ABCB7: variants seen among roughly 807,000 people sequenced by gnomAD.
The protein encoded by ABCB7 is iron-sulfur clusters transporter ABCB7, mitochondrial.
ABCB7 carries 7 observed loss-of-function variants against 54.4 expected under a neutral mutation model. The observed-to-expected ratio is 0.13, with a 90% CI of 0.07 to 0.24. The LOEUF is 0.24. Among genes scored for constraint, ABCB7 ranks in the 10% least tolerant of loss-of-function variants. ABCB7 has a pLI of 1.00. For synonymous variants in ABCB7, 218 were observed against 207.1 expected, an observed-to-expected ratio of 1.05 and a Z score of -0.45; for missense variants, 356 against 570.4, an observed-to-expected ratio of 0.62 and a Z score of 3.83.
intron 10 of ABCB7, 146 bp downstream of exon 10, chrX:75,070,219 A>G: frequency 1.7e-6 from 1 of 582,606 alleles, no homozygotes; most frequent in Non-Finnish European, 2.8e-6. Context: ...CTCTTAATAC[A>G]GGTGATAGCA....
At chrX:75,068,311 T>C (rs1306618472) in intron 12 of ABCB7, among the ~76,000 whole-genome samples, 1 of 111,828 alleles carries the variant, frequency 8.9e-6, no homozygotes, top group East Asian at 2.8e-4. Flanking sequence ...TAATACATAC[T>C]AGCTGCAACT....
At chrX:75,097,080 T>C (rs2081597951) in intron 4 of ABCB7, among the ~76,000 whole-genome samples, 1 of 111,627 alleles carries the variant, frequency 9.0e-6, no homozygotes, top group African/African-American at 3.3e-5. Context: ...CTAACCTTAT[T>C]ACTCATCTAT....
chrX:75,104,047 G>GTTTCTTTTTTTTTTTTTTTTTTTTTTT (rs2081663554), intron 3 of ABCB7, among the ~76,000 whole-genome samples: 1 of 13,443 alleles, frequency 7.4e-5, no homozygotes, highest in African/African-American at 1.6e-4. Context: ...TCTTGTTACA[G>GTTTCTTTTTTTTTTTTTTTTTTTTTTT]TTTTTTTTTT....
intron 1 of ABCB7, among the ~76,000 whole-genome samples, chrX:75,148,064 C>T (rs1287894059): frequency 1.8e-5 from 2 of 111,257 alleles, no homozygotes; most frequent in African/African-American, 6.6e-5. Context: ...GGCAGTGAGC[C>T]AAGATTGTGC....
rs147584361 is a variant in ABCB7, at chrX:75,073,874, C to T, written c.938G>A (p.Arg313Gln). ...TYTAFTVAVTRWRTRFRIEMN... is the reference protein window; with the variant it reads ...TYTAFTVAVTQWRTRFRIEMN... Reference sequence around the variant, plus strand: ...CTTCTAGGGAATAAATTACCTCCACCGTGTGACTGCAACTGTGAATGCTGT... The same window carrying T: ...CTTCTAGGGAATAAATTACCTCCACTGTGTGACTGCAACTGTGAATGCTGT... Residue 313 changes from arginine (R) to glutamine (Q), a missense_variant, in exon 7 of 16, where the codon CGG (arginine) becomes CAG (glutamine). Around this residue, in one of 2 missense-constraint regions of ABCB7, gnomAD observed 241 missense variants for 470.9 expected, o/e 0.51. Coordinates refer to ENST00000373394, the MANE Select transcript of ABCB7 (RefSeq NM_001271696.3). 3.6e-3 allele frequency: 4,386 copies of T among 1,207,153 alleles called. 3 individuals are homozygous for T. The highest frequency in any genetic ancestry group is 4.5e-3 in the Non-Finnish European group (3,994 of 892,512).
rs2081401107 is a variant in ABCB7, at chrX:75,075,460, T to C, written c.757A>G (p.Ile253Val). 1 of 1,209,433 alleles carries C rather than the reference T, an allele frequency of 8.3e-7. No individual in the cohort carries two copies. Among genetic ancestry groups the C allele is most frequent in the Non-Finnish European group, 1.1e-6 (1 of 894,793 alleles). The change falls in exon 6 of 16, where the codon ATT becomes GTT. Residue 253 changes from isoleucine (I) to valine (V), a missense_variant. By Grantham distance (29) the Ile-to-Val change is conservative. Transcript: ENST00000373394. ...CTGATACCCCTTGTTCCTCTGTCAA[T>C]AGCCTTAGATAAAGCTCCCGTCTGT... ...SRQTGALSKA[I>V]DRGTRGISFV...
intron 1 of ABCB7, among the ~76,000 whole-genome samples, chrX:75,144,393 T>C: frequency 8.9e-6 from 1 of 112,025 alleles, no homozygotes. Flanking sequence ...AATTTAATTT[T>C]AATTGCAATT....
At chrX:75,122,247 C>T (rs1424477637) in intron 1 of ABCB7, among the ~76,000 whole-genome samples, 1 of 111,970 alleles carries the variant, frequency 8.9e-6, no homozygotes. Flanking sequence ...ACCAATATGG[C>T]GACAAGAGTA....
At chrX:75,107,328 T>C (rs1029262755) in intron 3 of ABCB7, among the ~76,000 whole-genome samples, 3 of 110,917 alleles carry the variant, frequency 2.7e-5, no homozygotes, top group Non-Finnish European at 3.8e-5. Flanking sequence ...GGCCCAGAGA[T>C]GGTGGGCTGA....
intron 3 of ABCB7, among the ~76,000 whole-genome samples, chrX:75,108,654 C>T (rs1453029592): frequency 9.5e-6 from 1 of 105,167 alleles, no homozygotes; most frequent in African/African-American, 3.5e-5. Flanking sequence ...GGAATAGTAA[C>T]AAAATTTTAT....
intron 4 of ABCB7, among the ~76,000 whole-genome samples, chrX:75,077,385 T>C (rs1473718001): frequency 8.9e-6 from 1 of 112,252 alleles, no homozygotes; most frequent in Non-Finnish European, 1.9e-5. Context: ...ATTAGAAGCA[T>C]GATGTTTTCA....
At position 75,077,621 on chromosome X, in the gene ABCB7, C is replaced by G. The variant is rs144003771; in HGVS notation, c.454-967G>C. On this transcript the variant is annotated intron_variant, in intron 4 of 15. Coordinates refer to ENST00000373394, the MANE Select transcript of ABCB7 (RefSeq NM_001271696.3). ...AATGCTCCATTATTATGCCATCTATCTTTGCAAAGTTTAGCTATAACTGAT... is the reference window on the plus strand; with the variant it reads ...AATGCTCCATTATTATGCCATCTATGTTTGCAAAGTTTAGCTATAACTGAT... Among the ~76,000 whole-genome samples, 494 of 111,770 alleles carry G rather than the reference C, an allele frequency of 4.4e-3. 2 individuals carry two copies. Among genetic ancestry groups the G allele is most frequent in the African/African-American group, 0.015 (472 of 30,849 alleles).
chrX:75,092,093 G>A (rs1214314512), intron 4 of ABCB7, among the ~76,000 whole-genome samples: 1 of 110,643 alleles, frequency 9.0e-6, no homozygotes, highest in African/African-American at 3.3e-5. Context: ...TATAAAGAAA[G>A]GCAAAAAACT....
intron 1 of ABCB7, among the ~76,000 whole-genome samples, chrX:75,129,908 C>T (rs999406092): frequency 1.8e-5 from 2 of 111,144 alleles, no homozygotes; most frequent in Non-Finnish European, 3.8e-5. Context: ...ATGCCCAATA[C>T]TACATTATCT....
At chrX:75,153,904 CTAACAT>C (rs1207909625) in intron 1 of ABCB7, among the ~76,000 whole-genome samples, 6 of 108,891 alleles carry the variant, frequency 5.5e-5, no homozygotes, top group Non-Finnish European at 7.6e-5. Context: ...ATCCAACCCA[CTAACAT>C]TATTTCATAA....
At chrX:75,091,249 C>T (rs1398156715) in intron 4 of ABCB7, among the ~76,000 whole-genome samples, 3 of 110,649 alleles carry the variant, frequency 2.7e-5, no homozygotes, top group Non-Finnish European at 3.8e-5. Context: ...AACAATTACA[C>T]GACATAACCA....
chrX:75,087,494 T>C (rs1339390623), intron 4 of ABCB7, among the ~76,000 whole-genome samples: 2 of 112,286 alleles, frequency 1.8e-5, no homozygotes, highest in East Asian at 2.8e-4. Context: ...AAGATTTCCA[T>C]TGTATAAACA....
At chrX:75,138,471 A>T in intron 1 of ABCB7, among the ~76,000 whole-genome samples, 1 of 112,052 alleles carries the variant, frequency 8.9e-6, no homozygotes, top group East Asian at 2.8e-4. Context: ...TCCCAATAAA[A>T]GCTCTTCATA....
intron 8 of ABCB7, among the ~76,000 whole-genome samples, chrX:75,072,371 GTGCAATCATCATAGAGTGTACT>G (rs2081369722): frequency 1.8e-5 from 2 of 111,532 alleles, no homozygotes; most frequent in Non-Finnish European, 3.8e-5. Flanking sequence ...AATTTTGACT[GTGCAATCATCATAGAGTGTACT>G]TACACAAACC....
Sources: gnomAD v4.1 joint callset for allele counts (sites outside exome capture counted in the v4.1 genomes callset) on GRCh38, gnomAD v4.1.1 for gene constraint, gnomAD v4.1.1 regional missense constraint, MANE v1.5 for transcripts, NCBI Gene and HGNC (gene_info 2026-07-23, HGNC 2026-07-21) for gene names.